The following PKD1L3 variants were observed in gnomAD, a reference collection of about 807,000 sequenced individuals.
PKD1L3 encodes the protein polycystin-1-like protein 3.
In PKD1L3, 239 loss-of-function variants were observed where a neutral mutation model predicts 184.1. That is an observed-to-expected ratio of 1.30 (90% confidence interval 1.17 to 1.45). The LOEUF (loss-of-function observed/expected upper bound fraction) is 1.45, where lower values mean the gene tolerates loss of function less well. PKD1L3 is among the 40% of genes most tolerant of loss of function. The pLI is 0.00. For missense variants in PKD1L3, 2,660 were observed against 2,067.2 expected, an observed-to-expected ratio of 1.29 and a Z score of -5.56; for synonymous variants, 996 against 778.8, an observed-to-expected ratio of 1.28 and a Z score of -4.64.
At chr16:71,987,518 C>A (rs992231311) in intron 4 of PKD1L3, among the ~76,000 whole-genome samples, 1 of 152,016 alleles carries the variant, frequency 6.6e-6, no homozygotes, top group Admixed American at 6.6e-5. Context: ...GACTACAGGA[C>A]CACATCACCA....
At chr16:71,955,126 A>C (rs1409666035) in intron 16 of PKD1L3, among the ~76,000 whole-genome samples, 1 of 152,170 alleles carries the variant, frequency 6.6e-6, no homozygotes. Flanking sequence ...TAGTTCCATT[A>C]ATTTCATTGA....
At chr16:71,983,365 T>G (rs977616449) in intron 6 of PKD1L3, among the ~76,000 whole-genome samples, 3 of 152,204 alleles carry the variant, frequency 2.0e-5, no homozygotes, top group Non-Finnish European at 4.4e-5. Flanking sequence ...CAGGCTGGTC[T>G]CGAACTCCTG....
In PKD1L3 at chr16:71,944,017, T is replaced by TTCC. The variant is rs1286408124; in HGVS notation, c.3859+10_3859+12dup. The TTCC allele has an allele frequency of 2.6e-6, 4 of 1,549,202 alleles. No individual in the cohort carries two copies. The highest frequency in any genetic ancestry group is 2.0e-5 in the Admixed American group (1 of 50,076). On this transcript the variant is annotated intron_variant, in intron 23 of 29. Transcript: ENST00000620267. ...TGCTGTGTTATCAGTATGTTGCCAT[T>TTCC]TCCTCTCCATACCCAAAATATCTCC...
intron 12 of PKD1L3, among the ~76,000 whole-genome samples, chr16:71,972,723 T>C (rs530220056): frequency 6.6e-6 from 1 of 152,164 alleles, no homozygotes; most frequent in African/African-American, 2.4e-5. Flanking sequence ...CTTTCCAATC[T>C]AGATGGCACT....
At chr16:71,998,827 C>T (rs2040875462) in intron 1 of PKD1L3, among the ~76,000 whole-genome samples, 1 of 152,154 alleles carries the variant, frequency 6.6e-6, no homozygotes, top group Non-Finnish European at 1.5e-5. Context: ...AGAATTTCCT[C>T]CCATACATTA....
rs576531161 is a variant in PKD1L3, at chr16:71,971,662, G to T, written c.1954-1557C>A. Among the ~76,000 whole-genome samples, 34 of 152,338 alleles carry T rather than the reference G, an allele frequency of 2.2e-4. No individual in the cohort carries two copies. In the East Asian group the frequency reaches 6.4e-3, roughly 29 times the overall value. On this transcript the variant is annotated intron_variant, in intron 12 of 29. Coordinates refer to ENST00000620267, the MANE Select transcript of PKD1L3 (RefSeq NM_181536.2). ...TCCCTAACAAGCAGCACTGGGATCA[G>T]CTGGAAGCTTGTTAGAAAGGCCTGA...
At chr16:71,990,413 G>T in intron 3 of PKD1L3, 84 bp from the exon 4 acceptor site, 2 of 1,176,132 alleles carry the variant, frequency 1.7e-6, no homozygotes, top group South Asian at 2.8e-5. Flanking sequence ...CTTATTCATG[G>T]CTAAAAATAA....
chr16:71,983,391 C>T (rs1035649739), intron 6 of PKD1L3, among the ~76,000 whole-genome samples: 1 of 152,134 alleles, frequency 6.6e-6, no homozygotes. Context: ...AAGCTATCCG[C>T]CTGATTCAGC....
At chr16:71,969,123 G>C (rs561784345) in intron 13 of PKD1L3, among the ~76,000 whole-genome samples, 40 of 150,220 alleles carry the variant, frequency 2.7e-4, no homozygotes, top group African/African-American at 9.6e-4. Context: ...TAGAGATGGA[G>C]TTTCATCATG....
chr16:71,934,169 C>G, intron 26 of PKD1L3, 44 bp from the exon 27 acceptor site: 1 of 1,534,418 alleles, frequency 6.5e-7, no homozygotes, highest in Non-Finnish European at 8.8e-7. Context: ...GAAGTATGTG[C>G]CTATACTGCA....
At position 71,984,080 on chromosome 16, in the gene PKD1L3, G is replaced by T; in HGVS notation, c.922C>A (p.Gln308Lys). ...CTTGGGGTTAAGGCTGTTAGTTTCT[G>T]GAGGAACTCACAAGCTTCCTGTAGT... The part of the protein sequence containing the change: ...NKLQEACEFL[Q>K]KLTALTPRFS... Residue 308 changes from glutamine (Q) to lysine (K), a missense_variant, in exon 6 of 30, where the codon CAG becomes AAG. Physicochemically the swap from Gln to Lys is moderately conservative, Grantham distance 53 (BLOSUM62 1). Coordinates refer to ENST00000620267, the MANE Select transcript of PKD1L3 (RefSeq NM_181536.2). 1 of 1,552,222 alleles carries T rather than the reference G, an allele frequency of 6.4e-7. No homozygotes were observed. Among genetic ancestry groups the T allele is most frequent in the East Asian group, 2.4e-5 (1 of 40,930 alleles).
rs115259963 is a variant in PKD1L3, at chr16:71,983,535, A to G, written c.966+501T>C. On this transcript the variant is annotated intron_variant, in intron 6 of 29. Coordinates refer to ENST00000620267, the MANE Select transcript of PKD1L3 (RefSeq NM_181536.2). ...GAACATAAACACAGTATATCCAACAATGTCACTACTGATCAATTTAATTCA... is the reference window on the plus strand; with the variant it reads ...GAACATAAACACAGTATATCCAACAGTGTCACTACTGATCAATTTAATTCA... 8.1e-3 allele frequency among the ~76,000 whole-genome samples: 1,230 copies of G among 152,208 alleles called. 16 individuals carry two copies. The highest frequency in any genetic ancestry group is 0.028 in the African/African-American group (1,161 of 41,528).
rs140910956 is a variant in PKD1L3 at position 71,932,754 on chromosome 16, T to C, written c.4926+666A>G. On this transcript the variant is annotated intron_variant, in intron 28 of 29. Transcript: ENST00000620267. ...CTTCGGCTTCCCAAAGTATTAGGAT[T>C]ATAGGCATGAGCCACCGCACCTGGC... Among the ~76,000 whole-genome samples, 567 of 151,002 alleles carry C rather than the reference T, an allele frequency of 3.8e-3. 4 individuals are homozygous for C. The highest frequency in any genetic ancestry group is 0.013 in the African/African-American group (540 of 41,148).
intron 2 of PKD1L3, among the ~76,000 whole-genome samples, chr16:71,994,881 G>A (rs1040867446): frequency 6.6e-6 from 1 of 152,048 alleles, no homozygotes; most frequent in African/African-American, 2.4e-5. Context: ...CCAGCTACTT[G>A]GGAGGCTGAG....
chr16:71,990,469 A>G (rs1402533828), intron 3 of PKD1L3, 140 bp from the exon 4 acceptor site: 29 of 618,734 alleles, frequency 4.7e-5, no homozygotes. Context: ...ATGGTAGCTC[A>G]TGTCTGTAAT....
chr16:71,940,490 T>C (rs773242251), intron 24 of PKD1L3, among the ~76,000 whole-genome samples: 73 of 152,108 alleles, frequency 4.8e-4, no homozygotes, highest in African/African-American at 1.7e-3. Context: ...GCACAGAGCT[T>C]TGTTTTTTAT....
chr16:71,961,612 C>T (rs969531141), intron 16 of PKD1L3, among the ~76,000 whole-genome samples: 4 of 152,006 alleles, frequency 2.6e-5, no homozygotes, highest in Non-Finnish European at 5.9e-5. Context: ...AGTTGACAGC[C>T]AGCGCCCCCT....
intron 15 of PKD1L3, among the ~76,000 whole-genome samples, chr16:71,964,360 A>G (rs1294439358): frequency 1.4e-5 from 1 of 73,748 alleles, no homozygotes; most frequent in Non-Finnish European, 2.5e-5. Context: ...TTTTTTTGAG[A>G]CAGAGTTTCA....
chr16:71,988,239 G>A (rs1321734744), intron 4 of PKD1L3, among the ~76,000 whole-genome samples: 1 of 152,014 alleles, frequency 6.6e-6, no homozygotes, highest in East Asian at 1.9e-4. Flanking sequence ...CTGTCACCCA[G>A]GCTGGAGTTC....
Sources: allele counts gnomAD v4.1 joint callset (sites outside exome capture counted in the v4.1 genomes callset), GRCh38; gene constraint gnomAD v4.1.1; transcripts MANE v1.5; gene names NCBI Gene and HGNC (gene_info 2026-07-23, HGNC 2026-07-21).